Variants in CNTN4 observed in about 807,000 individuals in gnomAD.
CNTN4 encodes the protein contactin 4.
In CNTN4, 77 loss-of-function variants were observed where a neutral mutation model predicts 122.5. That is an observed-to-expected ratio of 0.63 (90% CI 0.52 to 0.76). The LOEUF (loss-of-function observed/expected upper bound fraction) is 0.76, where lower values mean the gene tolerates loss of function less well. Ranked by LOEUF, CNTN4 falls within the 30% of genes least tolerant of loss-of-function variation. The pLI, the probability that CNTN4 is intolerant of heterozygous loss-of-function variation, is 0.00. For synonymous variants in CNTN4, 512 were observed against 447.0 expected, an observed-to-expected ratio of 1.15 and a Z score of -1.83; for missense variants, 1,256 against 1,259.1, an observed-to-expected ratio of 1.00 and a Z score of 0.04.
At chr3:2,912,321 T>C (rs1032052257) in intron 12 of CNTN4, among the ~76,000 whole-genome samples, 3 of 152,196 alleles carry the variant, frequency 2.0e-5, no homozygotes, top group Admixed American at 2.0e-4. Context: ...CAATCAAGAA[T>C]ACTATATCCG....
At chr3:2,729,895 C>G (rs2149451308) in intron 4 of CNTN4, among the ~76,000 whole-genome samples, 1 of 152,248 alleles carries the variant, frequency 6.6e-6, no homozygotes, top group East Asian at 1.9e-4. Flanking sequence ...GCCTGAGTGA[C>G]AGAGGGAGAC....
At chr3:2,407,820 G>A (rs966989850) in intron 3 of CNTN4, among the ~76,000 whole-genome samples, 2 of 152,170 alleles carry the variant, frequency 1.3e-5, no homozygotes, top group African/African-American at 4.8e-5. Context: ...GAATGGGTAA[G>A]TTAAAAAATT....
At position 2,488,451 on chromosome 3, in the gene CNTN4, T is replaced by TG. The variant is rs750380936; in HGVS notation, c.-88-82965_-88-82964insG. On this transcript the variant is annotated intron_variant, in intron 3 of 24. Coordinates refer to ENST00000418658, the MANE Select transcript of CNTN4 (RefSeq NM_175607.3). ...TACATTGTTCCAGTGTGAGTGAGTGTTGGGGGGTGTGTGTGCCCTGTGTGA... is the reference window on the plus strand; with the variant it reads ...TACATTGTTCCAGTGTGAGTGAGTGTGTGGGGGGTGTGTGTGCCCTGTGTGA... Among the ~76,000 whole-genome samples, 51 of 152,026 alleles carry TG rather than the reference T, an allele frequency of 3.4e-4. No homozygotes were observed. In the South Asian group the frequency reaches 5.6e-3, roughly 17 times the overall value.
chr3:2,123,658 C>G (rs1475351310), intron 2 of CNTN4, among the ~76,000 whole-genome samples: 1 of 152,214 alleles, frequency 6.6e-6, no homozygotes, highest in Non-Finnish European at 1.5e-5. Flanking sequence ...TAGCGCTACA[C>G]TGGCTGTAAT....
chr3:2,389,836 C>T (rs575857540), intron 3 of CNTN4, among the ~76,000 whole-genome samples: 23 of 152,060 alleles, frequency 1.5e-4, no homozygotes, highest in Non-Finnish European at 2.6e-4. Context: ...AAAAATTTCA[C>T]GGAAGTATCT....
At chr3:2,744,895 A>G (rs2089670258) in intron 5 of CNTN4, among the ~76,000 whole-genome samples, 2 of 152,342 alleles carry the variant, frequency 1.3e-5, no homozygotes, top group African/African-American at 4.8e-5. Flanking sequence ...CGATAACCTA[A>G]TAGCCTAATC....
intron 13 of CNTN4, among the ~76,000 whole-genome samples, chr3:2,963,340 A>T (rs925716040): frequency 6.6e-6 from 1 of 152,080 alleles, no homozygotes; most frequent in Non-Finnish European, 1.5e-5. Flanking sequence ...TTTCCTTTAC[A>T]GTACCTCATA....
intron 4 of CNTN4, among the ~76,000 whole-genome samples, chr3:2,730,994 T>C (rs765416029): frequency 2.0e-5 from 3 of 151,908 alleles, no homozygotes; most frequent in Non-Finnish European, 4.4e-5. Context: ...AGAGGTGCTT[T>C]ATTACTCTTT....
chr3:2,748,137 G>A (rs906412125), intron 6 of CNTN4, among the ~76,000 whole-genome samples: 3 of 152,148 alleles, frequency 2.0e-5, no homozygotes, highest in African/African-American at 7.2e-5. Context: ...GGACACTGGG[G>A]ACAGTAGTAT....
At chr3:2,530,397 C>T (rs2077553769) in intron 3 of CNTN4, among the ~76,000 whole-genome samples, 1 of 151,276 alleles carries the variant, frequency 6.6e-6, no homozygotes. Flanking sequence ...CAACCTCCAC[C>T]TCCTGGGTTC....
At chr3:2,278,217 A>T (rs1238366180) in intron 2 of CNTN4, among the ~76,000 whole-genome samples, 2 of 152,238 alleles carry the variant, frequency 1.3e-5, no homozygotes, top group Non-Finnish European at 2.9e-5. Flanking sequence ...CGTATAATCA[A>T]TGAAGAAATA....
At chr3:2,286,236 G>GCC (rs34154954) in intron 2 of CNTN4, among the ~76,000 whole-genome samples, 65,339 of 135,640 alleles carry the variant, frequency 0.48, 16,228 homozygotes, top group East Asian at 0.63. Flanking sequence ...TACACCCCCT[G>GCC]CCCCCCCCAC....
At chr3:2,499,847 C>A (rs1178632346) in intron 3 of CNTN4, among the ~76,000 whole-genome samples, 1 of 151,990 alleles carries the variant, frequency 6.6e-6, no homozygotes, top group Admixed American at 6.6e-5. Flanking sequence ...TTTACATTGA[C>A]CCTTCCAGTT....
At chr3:3,027,001 C>G (rs942706682) in intron 15 of CNTN4, among the ~76,000 whole-genome samples, 2 of 152,064 alleles carry the variant, frequency 1.3e-5, no homozygotes, top group Non-Finnish European at 2.9e-5. Flanking sequence ...ATGATGGAGT[C>G]CAGCCAAAAC....
chr3:2,368,096 G>A lies in CNTN4; in HGVS notation c.-89+28863G>A, dbSNP rs372101963. On this transcript the variant is annotated intron_variant, in intron 3 of 24. Transcript: ENST00000418658. ...CGCCCAGGCTGGAGTGCAGTGGCGC[G>A]ATCTCGGCTCACTGCAAGCTCTGCC... Among the ~76,000 whole-genome samples, 772 of 145,040 alleles carry A rather than the reference G, an allele frequency of 5.3e-3. 14 individuals are homozygous for A. The highest frequency in any genetic ancestry group is 0.019 in the African/African-American group (743 of 38,572).
At chr3:2,356,252 A>C (rs557517739) in intron 3 of CNTN4, among the ~76,000 whole-genome samples, 3 of 152,308 alleles carry the variant, frequency 2.0e-5, no homozygotes, top group Non-Finnish European at 4.4e-5. Flanking sequence ...AAGGAATAAG[A>C]GAATGGCTAC....
chr3:2,796,812 A>G (rs765338867), intron 6 of CNTN4, among the ~76,000 whole-genome samples: 12 of 152,200 alleles, frequency 7.9e-5, no homozygotes, highest in Non-Finnish European at 1.6e-4. Flanking sequence ...ATCCTATTCT[A>G]TTGCTGTATT....
At chr3:2,514,497 G>A (rs2076984777) in intron 3 of CNTN4, among the ~76,000 whole-genome samples, 1 of 151,914 alleles carries the variant, frequency 6.6e-6, no homozygotes, top group Admixed American at 6.6e-5. Context: ...GAATATGACT[G>A]AATGAAAAAT....
intron 4 of CNTN4, among the ~76,000 whole-genome samples, chr3:2,601,506 G>A (rs1350600287): frequency 1.3e-5 from 2 of 152,096 alleles, no homozygotes; most frequent in African/African-American, 4.8e-5. Flanking sequence ...AGATCGGATG[G>A]TTATAGATGT....
Sources: gnomAD v4.1 joint callset for allele counts (sites outside exome capture counted in the v4.1 genomes callset) on GRCh38, gnomAD v4.1.1 for gene constraint, MANE v1.5 for transcripts, NCBI Gene and HGNC (gene_info 2026-07-23, HGNC 2026-07-21) for gene names.